DNAH14: variants seen among roughly 807,000 people sequenced by gnomAD.
DNAH14 encodes the protein dynein axonemal heavy chain 14.
In DNAH14, 478 loss-of-function variants were observed where a neutral mutation model predicts 520.9. The ratio of observed to expected loss-of-function variants is 0.92; its 90% CI spans 0.85 to 0.99. DNAH14 has a LOEUF of 0.99. DNAH14 is among the 50% of genes least tolerant of loss of function. DNAH14 has a pLI of 0.00. For synonymous variants in DNAH14, 1,581 were observed against 1,757.2 expected (o/e 0.90, Z 2.51); for missense variants, 4,831 against 5,234.5 (o/e 0.92, Z 2.38).
At chr1:225,244,321 GT>G (rs1367080058) in intron 43 of DNAH14, among the ~76,000 whole-genome samples, 1 of 151,860 alleles carries the variant, frequency 6.6e-6, no homozygotes, top group African/African-American at 2.4e-5. Context: ...TTCTTTTTTT[GT>G]TGTGTCTCTG....
intron 17 of DNAH14, among the ~76,000 whole-genome samples, chr1:225,062,600 A>T (rs1178272608): frequency 1.3e-5 from 2 of 152,222 alleles, no homozygotes; most frequent in African/African-American, 2.4e-5. Flanking sequence ...CTCAGTAGGC[A>T]GAATGTTCAT....
chr1:225,333,571 G>T, intron 66 of DNAH14, 65 bp downstream of exon 66: 1 of 1,399,124 alleles, frequency 7.1e-7, no homozygotes, highest in Non-Finnish European at 9.7e-7. Flanking sequence ...TTAGCTGTAT[G>T]TGTAGTTTCG....
intron 43 of DNAH14, among the ~76,000 whole-genome samples, chr1:225,249,708 T>C (rs2092459132): frequency 6.6e-6 from 1 of 152,178 alleles, no homozygotes; most frequent in Non-Finnish European, 1.5e-5. Flanking sequence ...TTTTAGAATA[T>C]TTTCGTCTTT....
intron 17 of DNAH14, 67 bp downstream of exon 17, chr1:225,051,862 T>C (rs2068568220): frequency 1.8e-6 from 2 of 1,131,342 alleles, no homozygotes; most frequent in East Asian, 2.6e-5. Flanking sequence ...ATTTAAAATA[T>C]GTACTTAGAG....
intron 23 of DNAH14, among the ~76,000 whole-genome samples, chr1:225,114,767 A>G (rs768594600): frequency 6.6e-6 from 1 of 151,424 alleles, no homozygotes; most frequent in South Asian, 2.1e-4. Context: ...CTGAGTTTCA[A>G]TGCAAAATCC....
intron 21 of DNAH14, 60 bp from the exon 22 acceptor site, chr1:225,097,058 C>A: frequency 7.3e-7 from 1 of 1,378,538 alleles, no homozygotes; most frequent in Non-Finnish European, 9.7e-7. Context: ...TGTTATGTAA[C>A]TCTTAAAGAA....
At chr1:225,207,981 A>G (rs1321202676) in intron 41 of DNAH14, among the ~76,000 whole-genome samples, 1 of 152,192 alleles carries the variant, frequency 6.6e-6, no homozygotes, top group Non-Finnish European at 1.5e-5. Flanking sequence ...CAGCACAGCT[A>G]GGGGCAACAA....
At chr1:225,342,388 A>T (rs2095205291) in intron 69 of DNAH14, among the ~76,000 whole-genome samples, 1 of 152,124 alleles carries the variant, frequency 6.6e-6, no homozygotes, top group African/African-American at 2.4e-5. Context: ...CAAAATCAGA[A>T]AGTGGAAGGA....
intron 22 of DNAH14, 109 bp downstream of exon 22, chr1:225,097,348 A>G (rs942860065): frequency 1.9e-6 from 2 of 1,054,470 alleles, no homozygotes; most frequent in Non-Finnish European, 2.6e-6. Context: ...ATCTTATCCT[A>G]CCTACAGACA....
intron 17 of DNAH14, among the ~76,000 whole-genome samples, chr1:225,066,946 C>T (rs2070961725): frequency 2.6e-5 from 4 of 152,028 alleles, no homozygotes; most frequent in Admixed American, 2.0e-4. Context: ...GTAAAATGTG[C>T]TGCTATAAAC....
chr1:225,303,440 A>C (rs763037876), intron 57 of DNAH14, 93 bp downstream of exon 57: 107 of 1,095,776 alleles, frequency 9.8e-5, no homozygotes, highest in Non-Finnish European at 1.3e-4. Flanking sequence ...ATGGACAAAA[A>C]TAGGCAGTTC....
Position 225,335,354 on chromosome 1 carries a change from CATATACACGTGTACAT to C in DNAH14, c.10080+1849_10080+1864del, listed in dbSNP as rs1558427601. On this transcript the variant is annotated intron_variant, in intron 66 of 85. Transcript: ENST00000682510. ...ACGTGTGTACATGTGTGTGTATATG[CATATACACGTGTACAT>C]GTGTGTGTATATGCACATATACACA... Among the ~76,000 whole-genome samples, 6 of 31,882 alleles carry C rather than the reference CATATACACGTGTACAT, an allele frequency of 1.9e-4. 1 individual carries two copies. The highest frequency in any genetic ancestry group is 3.2e-4 in the Non-Finnish European group (6 of 18,986). 20.9% of individuals were successfully genotyped at this position (31,882 alleles called of 152,430 possible).
At position 225,007,387 on chromosome 1, in the gene DNAH14, C is replaced by T. The variant is rs2064260710; in HGVS notation, c.976-26C>T. 5.4e-6 allele frequency: 8 copies of T among 1,474,338 alleles called. No individual in the cohort carries two copies. The East Asian group carries it at 2.1e-4, about 39-fold the overall frequency. The allele number at this position is 1,474,338 out of a possible 1,614,324, so 91.3% of individuals were successfully genotyped here. The stretch of plus-strand genomic sequence containing the variant: ...AAATATGAATTTTGACTTTCTAACA[C>T]TGAACATTTACTATCATCTAATTAG... On this transcript the variant is annotated intron_variant, in intron 9 of 85. Transcript: ENST00000682510.
At chr1:225,359,415 T>G (rs1252502982) in intron 74 of DNAH14, among the ~76,000 whole-genome samples, 2 of 151,888 alleles carry the variant, frequency 1.3e-5, no homozygotes, top group Non-Finnish European at 2.9e-5. Flanking sequence ...GTCCCTGCTC[T>G]CCAGCCCTTG....
chr1:225,323,883 T>G (rs1183244590), intron 62 of DNAH14, among the ~76,000 whole-genome samples: 3 of 152,136 alleles, frequency 2.0e-5, no homozygotes, highest in African/African-American at 7.2e-5. Flanking sequence ...CGGCATGATC[T>G]TGGCTCACTG....
chr1:225,149,264 A>G lies in DNAH14; in HGVS notation c.4940+2015A>G, dbSNP rs183162692. Among the ~76,000 whole-genome samples the G allele has an allele frequency of 2.6e-5, 4 of 152,242 alleles. No homozygotes were observed. In the East Asian group the frequency reaches 5.8e-4, roughly 22 times the overall value. ...GTGCAGCCTTATTTTGGGGCTCTCTATTCTGTTCCATTGGTCTATGTGCCT... is the reference window on the plus strand; with the variant it reads ...GTGCAGCCTTATTTTGGGGCTCTCTGTTCTGTTCCATTGGTCTATGTGCCT... On this transcript the variant is annotated intron_variant, in intron 31 of 85. Transcript: ENST00000682510.
chr1:224,950,460 G>A (rs137856465), intron 1 of DNAH14, among the ~76,000 whole-genome samples: 334 of 152,268 alleles, frequency 2.2e-3, no homozygotes, highest in African/African-American at 7.6e-3. Context: ...TCTGGTATTT[G>A]AATGTTGCTG....
intron 17 of DNAH14, among the ~76,000 whole-genome samples, chr1:225,073,175 T>G (rs1178488689): frequency 6.6e-6 from 1 of 152,048 alleles, no homozygotes; most frequent in Admixed American, 6.5e-5. Flanking sequence ...TGAATAGGAA[T>G]GGGGTTGGGG....
At chr1:225,236,098 C>T (rs1394065891) in intron 42 of DNAH14, among the ~76,000 whole-genome samples, 2 of 151,904 alleles carry the variant, frequency 1.3e-5, no homozygotes, top group African/African-American at 4.8e-5. Context: ...GCTCTTGATT[C>T]TCTAGTTCTT....
Sources: gnomAD v4.1 joint callset for allele counts (sites outside exome capture counted in the v4.1 genomes callset) on GRCh38, gnomAD v4.1.1 for gene constraint, MANE v1.5 for transcripts, NCBI Gene and HGNC (gene_info 2026-07-23, HGNC 2026-07-21) for gene names.